The following CTNNA2 variants were observed in gnomAD, a reference collection of about 807,000 sequenced individuals.
CTNNA2 encodes catenin alpha-2.
In CTNNA2, 42 loss-of-function variants were observed where a neutral mutation model predicts 101.0. The ratio of observed to expected loss-of-function variants is 0.42; its 90% confidence interval spans 0.32 to 0.54. CTNNA2 has a LOEUF of 0.54. Among genes scored for constraint, CTNNA2 ranks in the 20% least tolerant of loss-of-function variants. The pLI, the probability that CTNNA2 is intolerant of heterozygous loss-of-function variation, is 0.14. For missense variants in CTNNA2, 871 were observed against 1,223.1 expected, an observed-to-expected ratio of 0.71 and a Z score of 4.29; for synonymous variants, 450 against 456.4, an observed-to-expected ratio of 0.99 and a Z score of 0.18.
intron 7 of CTNNA2, among the ~76,000 whole-genome samples, chr2:80,353,649 G>A (rs565350650): frequency 7.9e-5 from 12 of 152,140 alleles, no homozygotes; most frequent in South Asian, 4.2e-4. Context: ...CATATTTACC[G>A]CATGAGCTCA....
chr2:80,068,859 G>T (rs1272658051), intron 7 of CTNNA2, among the ~76,000 whole-genome samples: 2 of 152,126 alleles, frequency 1.3e-5, no homozygotes, highest in Non-Finnish European at 2.9e-5. Flanking sequence ...CAGATGGAAT[G>T]AGCCATGATG....
chr2:79,982,192 C>CTATATATATATA (rs70940064), intron 7 of CTNNA2, among the ~76,000 whole-genome samples: 114 of 74,972 alleles, frequency 1.5e-3, no homozygotes, highest in African/African-American at 1.9e-3. Context: ...GCATGTGCCA[C>CTATATATATATA]TATATATATA....
chr2:80,079,266 G>T (rs1006856673), intron 7 of CTNNA2, among the ~76,000 whole-genome samples: 1 of 152,170 alleles, frequency 6.6e-6, no homozygotes, highest in African/African-American at 2.4e-5. Context: ...AAGACAATAT[G>T]GCTGCCTGAT....
intron 4 of CTNNA2, among the ~76,000 whole-genome samples, chr2:79,423,766 C>T (rs774987798): frequency 2.6e-5 from 4 of 152,124 alleles, no homozygotes; most frequent in South Asian, 2.1e-4. Context: ...AATTAAGTTC[C>T]CACCAGGTAT....
chr2:79,854,503 T>C (rs756947460), intron 3 of CTNNA2, among the ~76,000 whole-genome samples: 14 of 152,202 alleles, frequency 9.2e-5, no homozygotes, highest in Non-Finnish European at 1.0e-4. Flanking sequence ...ATAGTTGGGG[T>C]GGAGTCGAGA....
rs78091442 is a variant in CTNNA2, at chr2:79,444,899, C to T, written c.-134-60155C>T. ...GTTAGAAAAATGGAAGAAATTACTC[C>T]TTCCTCAGAATGAATTAATTTGCTG... On this transcript the variant is annotated intron_variant, in intron 4 of 21. Transcript: ENST00000466387. 2.6e-4 allele frequency among the ~76,000 whole-genome samples: 39 copies of T among 152,134 alleles called. No homozygotes were observed. The East Asian group carries it at 7.6e-3, about 29-fold the overall frequency.
At chr2:79,767,365 A>G (rs1032973008) in intron 3 of CTNNA2, among the ~76,000 whole-genome samples, 3 of 151,726 alleles carry the variant, frequency 2.0e-5, no homozygotes, top group Non-Finnish European at 4.4e-5. Context: ...TATTTAGTTC[A>G]CTTGGTGAGG....
At chr2:79,334,678 T>C (rs1002195614) in intron 3 of CTNNA2, among the ~76,000 whole-genome samples, 1 of 152,100 alleles carries the variant, frequency 6.6e-6, no homozygotes, top group Non-Finnish European at 1.5e-5. Flanking sequence ...ATTGTGGTTA[T>C]ATGTTTCATA....
intron 18 of CTNNA2, among the ~76,000 whole-genome samples, chr2:80,632,601 G>A (rs72926527): frequency 0.046 from 6,932 of 152,154 alleles, 509 homozygotes; most frequent in African/African-American, 0.16. Flanking sequence ...AGTACTTCAG[G>A]TAGAAGAAGA....
chr2:79,404,509 A>C lies in CTNNA2; in HGVS notation c.-135+30496A>C, dbSNP rs10496222. ...TGCATGGACACTTCATTGAAAACTG[A>C]GAAATACTATAACAAGAGCTGCCAG... On this transcript the variant is annotated intron_variant, in intron 4 of 21. Transcript: ENST00000466387. 7.6e-3 allele frequency among the ~76,000 whole-genome samples: 1,155 copies of C among 152,206 alleles called. 43 individuals are homozygous for C. The East Asian group carries it at 0.08, about 11-fold the overall frequency.
chr2:80,270,438 G>A (rs1382082793), intron 7 of CTNNA2, among the ~76,000 whole-genome samples: 1 of 152,098 alleles, frequency 6.6e-6, no homozygotes, highest in African/African-American at 2.4e-5. Flanking sequence ...TACTCAGCAG[G>A]GAACTCATTG....
At chr2:80,502,251 C>T (rs1218575859) in intron 9 of CTNNA2, among the ~76,000 whole-genome samples, 2 of 152,104 alleles carry the variant, frequency 1.3e-5, no homozygotes, top group Non-Finnish European at 2.9e-5. Flanking sequence ...GACTTTTCTC[C>T]TCCAGGAAGA....
chr2:79,825,976 A>G (rs1221577505), intron 3 of CTNNA2, among the ~76,000 whole-genome samples: 1 of 152,216 alleles, frequency 6.6e-6, no homozygotes, highest in Non-Finnish European at 1.5e-5. Context: ...TGATGGAAGA[A>G]CTGCAAGTGC....
chr2:80,635,532 TTTAC>T (rs1194799982), intron 18 of CTNNA2, among the ~76,000 whole-genome samples: 1 of 152,178 alleles, frequency 6.6e-6, no homozygotes, highest in African/African-American at 2.4e-5. Flanking sequence ...TGTCTAACAT[TTTAC>T]TTCAATTTTC....
intron 7 of CTNNA2, among the ~76,000 whole-genome samples, chr2:79,991,582 A>G (rs747653159): frequency 8.5e-5 from 13 of 152,220 alleles, no homozygotes; most frequent in Non-Finnish European, 1.5e-4. Context: ...AGTGCTCGGC[A>G]TGCAAGCAGC....
chr2:79,512,470 C>A (rs1671571943), upstream of CTNNA2, among the ~76,000 whole-genome samples: 1 of 152,100 alleles, frequency 6.6e-6, no homozygotes, highest in Non-Finnish European at 1.5e-5. Flanking sequence ...CCGCGGCAGT[C>A]ACTACCTTTG....
intron 3 of CTNNA2, among the ~76,000 whole-genome samples, chr2:79,827,248 A>C (rs2105405766): frequency 6.6e-6 from 1 of 152,256 alleles, no homozygotes; most frequent in East Asian, 1.9e-4. Context: ...CACATTGGCC[A>C]GGCTGTCTCA....
intron 1 of CTNNA2, among the ~76,000 whole-genome samples, chr2:79,627,510 C>T (rs1371512927): frequency 6.6e-6 from 1 of 152,170 alleles, no homozygotes; most frequent in African/African-American, 2.4e-5. Context: ...GCATAAAGTG[C>T]AACTTCACTA....
At chr2:80,279,696 C>A (rs1573583519) in intron 7 of CTNNA2, among the ~76,000 whole-genome samples, 2 of 152,230 alleles carry the variant, frequency 1.3e-5, no homozygotes, top group South Asian at 4.1e-4. Flanking sequence ...GAGGACTTTT[C>A]ATGATCCCTG....
Sources: allele counts gnomAD v4.1 joint callset (sites outside exome capture counted in the v4.1 genomes callset), GRCh38; gene constraint gnomAD v4.1.1; transcripts MANE v1.5; gene names NCBI Gene and HGNC (gene_info 2026-07-23, HGNC 2026-07-21).